The following TMEM37 variants were observed in gnomAD, a reference collection of about 807,000 sequenced individuals.
TMEM37 encodes transmembrane protein 37, also known as voltage-dependent calcium channel gamma-like subunit.
Under a neutral mutation model 11.0 loss-of-function variants are expected in TMEM37, and 12 were observed. The observed-to-expected ratio is 1.09, with a 90% CI of 0.70 to 1.76. The LOEUF is 1.76. TMEM37 is among the 40% of genes most tolerant of loss of function. TMEM37 has a pLI of 0.00. For missense variants in TMEM37, 203 were observed against 251.2 expected (o/e 0.81, Z 1.30); for synonymous variants, 127 against 110.5 (o/e 1.15, Z -0.94).
At chr2:119,435,668 G>A (rs189045800) in intron 1 of TMEM37, among the ~76,000 whole-genome samples, 45 of 152,308 alleles carry the variant, frequency 3.0e-4, no homozygotes, top group Middle Eastern at 3.4e-3. Context: ...GGTGGTGTGG[G>A]GGTAGGGGGC....
chr2:119,431,643 C>A (rs1014964860), upstream of TMEM37, among the ~76,000 whole-genome samples: 6 of 115,530 alleles, frequency 5.2e-5, no homozygotes, highest in African/African-American at 1.6e-4. Context: ...AGGGATCCCT[C>A]CCCCCAAGTG....
chr2:119,430,845 A>G (rs1050247499), upstream of TMEM37, among the ~76,000 whole-genome samples: 5 of 152,010 alleles, frequency 3.3e-5, no homozygotes, highest in African/African-American at 9.7e-5. Flanking sequence ...CTCTTTAAGA[A>G]CTCAGATCCG....
At chr2:119,432,137 G>T (rs1682413314) in intron 1 of TMEM37, 2 of 376,618 alleles carry the variant, frequency 5.3e-6, no homozygotes, top group Non-Finnish European at 9.4e-6. Flanking sequence ...TCACATAGCT[G>T]CTCCCGAGGC....
At chr2:119,433,138 A>G (rs942029590) in intron 1 of TMEM37, among the ~76,000 whole-genome samples, 5 of 152,226 alleles carry the variant, frequency 3.3e-5, no homozygotes, top group Non-Finnish European at 7.3e-5. Context: ...CGAATGCTAA[A>G]TTAAGAGGTG....
chr2:119,433,834 C>A (rs1682448920), intron 1 of TMEM37, among the ~76,000 whole-genome samples: 2 of 152,230 alleles, frequency 1.3e-5, no homozygotes, highest in Admixed American at 1.3e-4. Flanking sequence ...CCGTTTCAGG[C>A]CCTGCATCAC....
intron 1 of TMEM37, among the ~76,000 whole-genome samples, chr2:119,434,235 G>A (rs1476294136): frequency 6.6e-6 from 1 of 152,126 alleles, no homozygotes; most frequent in Non-Finnish European, 1.5e-5. Flanking sequence ...TGCCTGTGGT[G>A]CTCCTCCTTT....
Position 119,437,007 on chromosome 2 carries a change from A to G in TMEM37, c.140A>G (p.Asp47Gly), listed in dbSNP as rs1432897240. The change falls in exon 2 of 2, where the codon GAT becomes GGT. Residue 47 changes from aspartate (D) to glycine (G), a missense_variant. Asp to Gly is a moderately conservative substitution (Grantham distance 94). Transcript: ENST00000306406. ...AVVLSSVSIC[D>G]GHWLLAEDRL... ...GTCCTGTCCTCGGTCTCCATTTGTGATGGGCACTGGCTCCTGGCTGAGGAC... is the reference window on the plus strand; with the variant it reads ...GTCCTGTCCTCGGTCTCCATTTGTGGTGGGCACTGGCTCCTGGCTGAGGAC... The G allele has an allele frequency of 6.2e-7, 1 of 1,614,006 alleles. No individual in the cohort carries two copies. Among genetic ancestry groups the G allele is most frequent in the Admixed American group, 1.7e-5 (1 of 60,006 alleles).
In TMEM37 at chr2:119,437,339, T is replaced by C; in HGVS notation, c.472T>C (p.Phe158Leu). 6.2e-7 allele frequency: 1 copy of C among 1,614,244 alleles called. No individual in the cohort carries two copies. The highest frequency in any genetic ancestry group is 2.2e-5 in the East Asian group (1 of 44,888). ...CAGGAACCAAGTCACACTCATCGGCTTCACCCTAATGTTTTGGTGCGAATT... is the reference window on the plus strand; with the variant it reads ...CAGGAACCAAGTCACACTCATCGGCCTCACCCTAATGTTTTGGTGCGAATT... ...LLRNQVTLIG[F>L]TLMFWCEFTA... The change falls in exon 2 of 2, where the codon TTC becomes CTC. Residue 158 changes from phenylalanine to leucine, a missense_variant. Transcript: ENST00000306406.
chr2:119,435,707 T>A (rs1437359882), intron 1 of TMEM37, among the ~76,000 whole-genome samples: 2 of 152,152 alleles, frequency 1.3e-5, no homozygotes, highest in Non-Finnish European at 2.9e-5. Flanking sequence ...AGTGTTGGAA[T>A]GAGACAGAAA....
At position 119,437,235 on chromosome 2, in the gene TMEM37, A is replaced by G; in HGVS notation, c.368A>G (p.Lys123Arg). The G allele has an allele frequency of 6.2e-7, 1 of 1,614,196 alleles. No individual in the cohort carries two copies. Among genetic ancestry groups the G allele is most frequent in the Non-Finnish European group, 8.5e-7 (1 of 1,180,032 alleles). ...QLCEDKHSQC[K>R]WVMGSILLLV... Reference sequence around the variant, plus strand: ...TGCGAGGACAAACACTCACAGTGCAAGTGGGTCATGGGTTCCATCCTCCTC... The same window carrying G: ...TGCGAGGACAAACACTCACAGTGCAGGTGGGTCATGGGTTCCATCCTCCTC... Residue 123 changes from lysine to arginine, a missense_variant, in exon 2 of 2, where the codon AAG (lysine) becomes AGG (arginine). By Grantham distance (26) the Lys-to-Arg change is conservative. Transcript: ENST00000306406.
upstream of TMEM37, among the ~76,000 whole-genome samples, chr2:119,430,897 A>G (rs1378306346): frequency 2.6e-5 from 4 of 152,134 alleles, no homozygotes; most frequent in Non-Finnish European, 5.9e-5. Flanking sequence ...AGCACTTTGG[A>G]AGGCCGAGAT....
intron 1 of TMEM37, among the ~76,000 whole-genome samples, chr2:119,433,753 G>T (rs1397745307): frequency 6.6e-6 from 1 of 152,176 alleles, no homozygotes; most frequent in Admixed American, 6.5e-5. Flanking sequence ...GGTCCTCTAG[G>T]TCAGGGGCAG....
In TMEM37 at chr2:119,437,159, G is replaced by C. The variant is rs368207922; in HGVS notation, c.292G>C (p.Ala98Pro). ...CCTGGTACGCAGCGTGGGCGCCTTGGCCGTGGTGGCCGCCATTTTTGGCCT... is the reference window on the plus strand; with the variant it reads ...CCTGGTACGCAGCGTGGGCGCCTTGCCCGTGGTGGCCGCCATTTTTGGCCT... Reference protein sequence around the residue: ...MGLVRSVGALAVVAAIFGLEF... With the variant: ...MGLVRSVGALPVVAAIFGLEF... The change falls in exon 2 of 2, where the codon GCC becomes CCC. Residue 98 changes from alanine (A) to proline (P), a missense_variant. Transcript: ENST00000306406. 6.2e-7 allele frequency: 1 copy of C among 1,614,148 alleles called. No homozygotes were observed. The highest frequency in any genetic ancestry group is 1.3e-5 in the African/African-American group (1 of 74,948).
At chr2:119,435,755 A>G (rs955086000) in intron 1 of TMEM37, among the ~76,000 whole-genome samples, 1 of 152,178 alleles carries the variant, frequency 6.6e-6, no homozygotes, top group African/African-American at 2.4e-5. Flanking sequence ...AATGGTGAAG[A>G]ATTTGAACAG....
Position 119,431,874 on chromosome 2 carries a change from C to G in TMEM37, c.-30C>G. The G allele has an allele frequency of 8.1e-7, 1 of 1,232,422 alleles. No individual in the cohort carries two copies. The highest frequency in any genetic ancestry group is 1.0e-6 in the Non-Finnish European group (1 of 988,572). 76.3% of individuals were successfully genotyped at this position (1,232,422 alleles called of 1,614,324 possible). On this transcript the variant is annotated 5_prime_UTR_variant, in exon 1 of 2. The change creates a new upstream start codon in the 5' untranslated region. Transcript: ENST00000306406. Reference sequence around the variant, plus strand: ...GCCACAGCGGAGCAGCTGGAGCGATCGAGGCTGCAGCGCGGCCGCCGGGCG... The same window carrying G: ...GCCACAGCGGAGCAGCTGGAGCGATGGAGGCTGCAGCGCGGCCGCCGGGCG...
At position 119,437,764 on chromosome 2, in the gene TMEM37, G is replaced by A; in HGVS notation, c.*324G>A. ...TCCCTGGACTGGAATACAGTTGGAA[G>A]CACAGGGGTAACTGGTACCTGAGCT... On this transcript the variant is annotated 3_prime_UTR_variant, in exon 2 of 2. Transcript: ENST00000306406. 2.9e-6 allele frequency: 1 copy of A among 348,760 alleles called. No individual in the cohort carries two copies. The highest frequency in any genetic ancestry group is 5.2e-6 in the Non-Finnish European group (1 of 191,148). 21.6% of individuals were successfully genotyped at this position (348,760 alleles called of 1,614,324 possible).
intron 1 of TMEM37, among the ~76,000 whole-genome samples, chr2:119,433,318 T>A (rs1180000428): frequency 3.3e-5 from 5 of 152,270 alleles, no homozygotes; most frequent in South Asian, 2.1e-4. Flanking sequence ...AGGAAGCAAG[T>A]TCTGGGTCAT....
chr2:119,436,589 A>G, intron 1 of TMEM37, among the ~76,000 whole-genome samples: 1 of 152,144 alleles, frequency 6.6e-6, no homozygotes, highest in African/African-American at 2.4e-5. Flanking sequence ...TGAACTCAGA[A>G]CTGACTCAGA....
upstream of TMEM37, chr2:119,430,264 AG>A (rs1682368282): frequency 6.3e-6 from 4 of 634,370 alleles, no homozygotes; most frequent in East Asian, 1.3e-4. Context: ...CCTGGCCCCC[AG>A]GCCAGCAGCA....
Sources: gnomAD v4.1 joint callset for allele counts (sites outside exome capture counted in the v4.1 genomes callset) on GRCh38, gnomAD v4.1.1 for gene constraint, MANE v1.5 for transcripts, NCBI Gene and HGNC (gene_info 2026-07-23, HGNC 2026-07-21) for gene names.